Variants in USP12 observed in about 807,000 individuals in gnomAD.
The protein encoded by USP12 is ubiquitin carboxyl-terminal hydrolase 12.
In USP12, 19 loss-of-function variants were observed where a neutral mutation model predicts 45.5. The ratio of observed to expected loss-of-function variants is 0.42; its 90% CI spans 0.29 to 0.61. The LOEUF is 0.61. USP12 is among the 20% of genes least tolerant of loss of function. USP12 has a pLI of 0.22. For missense variants in USP12, 242 were observed against 447.7 expected (o/e 0.54, Z 4.15); for synonymous variants, 149 against 148.8 (o/e 1.00, Z -0.01).
chr13:27,093,208 G>A (rs185971063), intron 4 of USP12, among the ~76,000 whole-genome samples: 16 of 151,222 alleles, frequency 1.1e-4, no homozygotes, highest in African/African-American at 3.4e-4. Flanking sequence ...CTTCCACTCT[G>A]CCAAAAACAG....
chr13:27,073,505 G>C (rs1467022946), intron 7 of USP12, among the ~76,000 whole-genome samples: 2 of 152,138 alleles, frequency 1.3e-5, no homozygotes, highest in Non-Finnish European at 2.9e-5. Flanking sequence ...GCTGGGGAAA[G>C]AGTTGGGTTA....
rs376135830 is a variant in USP12, at chr13:27,103,598, C to CAAAAAAA, written c.343+2126_343+2132dup. Among the ~76,000 whole-genome samples the CAAAAAAA allele has an allele frequency of 7.0e-3, 896 of 128,626 alleles. 7 individuals carry two copies. Among genetic ancestry groups the CAAAAAAA allele is most frequent in the Middle Eastern group, 0.012 (3 of 242 alleles). 84.4% of individuals were successfully genotyped at this position (128,626 alleles called of 152,430 possible). A position where few individuals can be genotyped will look rare whatever the true frequency, so the allele number is the denominator to read the frequency against. ...AAAGAATTAGTAACTATTGAACTAT[C>CAAAAAAA]AAAAAAAAAAATAATAATAATAATA... is the stretch of plus-strand genomic sequence containing the variant. On this transcript the variant is annotated intron_variant, in intron 3 of 8. Coordinates refer to ENST00000282344, the MANE Select transcript of USP12 (RefSeq NM_182488.4).
At chr13:27,164,516 A>G (rs1199186462) in intron 1 of USP12, among the ~76,000 whole-genome samples, 1 of 152,218 alleles carries the variant, frequency 6.6e-6, no homozygotes, top group Non-Finnish European at 1.5e-5. Context: ...GGTGCTCTAC[A>G]TTAAATTTCT....
intron 6 of USP12, among the ~76,000 whole-genome samples, chr13:27,082,713 A>G (rs1873816781): frequency 6.6e-6 from 1 of 152,200 alleles, no homozygotes; most frequent in Non-Finnish European, 1.5e-5. Flanking sequence ...AGCCATTGTA[A>G]GGTTATTAAT....
In USP12 at chr13:27,161,102, T is replaced by A. The variant is rs566176305; in HGVS notation, c.48+10490A>T. Among the ~76,000 whole-genome samples the A allele has an allele frequency of 5.3e-5, 8 of 152,274 alleles. No homozygotes were observed. The South Asian group carries it at 1.7e-3, about 32-fold the overall frequency. On this transcript the variant is annotated intron_variant, in intron 1 of 8. Transcript: ENST00000282344. ...TTAAGATATACCTCCTAACGCAAAC[T>A]TCAAAGTCCCAGCTACTACCCCCAA...
chr13:27,155,858 T>C (rs902548756), intron 1 of USP12, among the ~76,000 whole-genome samples: 4 of 152,224 alleles, frequency 2.6e-5, no homozygotes, highest in African/African-American at 9.7e-5. Flanking sequence ...CCTAAATGTA[T>C]GACTTTCGGA....
chr13:27,106,555 C>T (rs985917229), intron 2 of USP12, among the ~76,000 whole-genome samples: 6 of 152,062 alleles, frequency 3.9e-5, no homozygotes, highest in African/African-American at 1.4e-4. Context: ...ATTTGGGGAG[C>T]ACTATGAAAC....
intron 1 of USP12, among the ~76,000 whole-genome samples, chr13:27,118,700 T>A (rs1875852243): frequency 6.6e-6 from 1 of 152,150 alleles, no homozygotes; most frequent in South Asian, 2.1e-4. Context: ...AAAGGTGCCA[T>A]CAACCAAAAT....
intron 2 of USP12, among the ~76,000 whole-genome samples, chr13:27,110,944 A>G (rs572581584): frequency 9.8e-5 from 15 of 152,306 alleles, no homozygotes; most frequent in Admixed American, 2.6e-4. Context: ...CAGAAATATT[A>G]TGATAATGAG....
chr13:27,072,865 C>T (rs996750046), intron 7 of USP12, among the ~76,000 whole-genome samples: 1 of 152,160 alleles, frequency 6.6e-6, no homozygotes, highest in African/African-American at 2.4e-5. Flanking sequence ...TGAGGCTGCG[C>T]ACACCCTCCA....
chr13:27,118,235 C>T (rs1875830867), intron 1 of USP12, among the ~76,000 whole-genome samples: 1 of 151,878 alleles, frequency 6.6e-6, no homozygotes, highest in Non-Finnish European at 1.5e-5. Flanking sequence ...CAGCTCTAGG[C>T]TGAAAAGGGG....
At chr13:27,168,307 C>T (rs1226774496) in intron 1 of USP12, among the ~76,000 whole-genome samples, 1 of 152,184 alleles carries the variant, frequency 6.6e-6, no homozygotes, top group African/African-American at 2.4e-5. Flanking sequence ...ACCATGACTC[C>T]TACAACCCAA....
chr13:27,164,593 C>A (rs1878270005), intron 1 of USP12, among the ~76,000 whole-genome samples: 1 of 152,164 alleles, frequency 6.6e-6, no homozygotes, highest in Admixed American at 6.5e-5. Flanking sequence ...ACTAGTTTTT[C>A]TTCCTAAATA....
At chr13:27,120,373 C>A (rs1158396277) in intron 1 of USP12, among the ~76,000 whole-genome samples, 1 of 152,186 alleles carries the variant, frequency 6.6e-6, no homozygotes, top group African/African-American at 2.4e-5. Flanking sequence ...CTGCTCCAGG[C>A]CAGGCACAGT....
chr13:27,077,936 GT>G, intron 6 of USP12: 1 of 152,030 alleles, frequency 6.6e-6, no homozygotes, highest in South Asian at 2.1e-4. Flanking sequence ...AGAACATAAT[GT>G]TTTCTACAAA....
In USP12 at chr13:27,116,598, T is replaced by C; in HGVS notation, c.49-2A>G. The C allele has an allele frequency of 6.2e-7, 1 of 1,610,022 alleles. No individual in the cohort carries two copies. Among genetic ancestry groups the C allele is most frequent in the Non-Finnish European group, 8.5e-7 (1 of 1,179,228 alleles). ...CTCTAATGCCGAAGCATTGGCGCCC[T>C]ATAAAATGAAAAACAAAAATCTTAG... On this transcript the variant is annotated splice_acceptor_variant, in intron 1 of 8. Transcript: ENST00000282344. LOFTEE classifies it high-confidence loss of function.
intron 1 of USP12, among the ~76,000 whole-genome samples, chr13:27,162,022 C>T (rs568284830): frequency 1.3e-5 from 2 of 152,172 alleles, no homozygotes; most frequent in Non-Finnish European, 2.9e-5. Context: ...GAAATGACTA[C>T]GCTTTGTCAA....
chr13:27,097,584 G>T lies in USP12; in HGVS notation c.344-1754C>A, dbSNP rs1410236436. ...AGGGCACAGCTGCTAGAGCAAGGCT[G>T]TCTGGGTTGGTGCTATGGTTCTACT... is the stretch of plus-strand genomic sequence containing the variant. On this transcript the variant is annotated intron_variant, in intron 3 of 8. Transcript: ENST00000282344. Among the ~76,000 whole-genome samples the T allele has an allele frequency of 4.6e-5, 7 of 152,210 alleles. No homozygotes were observed. In the East Asian group the frequency reaches 1.3e-3, roughly 29 times the overall value.
chr13:27,111,652 A>G lies in USP12; in HGVS notation c.129+4864T>C, dbSNP rs114693016. On this transcript the variant is annotated intron_variant, in intron 2 of 8. Coordinates refer to ENST00000282344, the MANE Select transcript of USP12 (RefSeq NM_182488.4). ...TTTTTATATACCTACTACTAAGACC[A>G]TTTTGAGCGCACATCCCTTACACAT... Among the ~76,000 whole-genome samples the G allele has an allele frequency of 1.7e-3, 266 of 152,306 alleles. 1 individual carries two copies. The highest frequency in any genetic ancestry group is 6.3e-3 in the African/African-American group (262 of 41,562).
Sources: allele counts gnomAD v4.1 joint callset (sites outside exome capture counted in the v4.1 genomes callset), GRCh38; gene constraint gnomAD v4.1.1; transcripts MANE v1.5; gene names NCBI Gene and HGNC (gene_info 2026-07-23, HGNC 2026-07-21).